Variants in RALGAPA1 observed in about 807,000 individuals in gnomAD.
RALGAPA1 encodes Ral GTPase activating protein catalytic subunit alpha 1, also known as ral GTPase-activating protein subunit alpha-1.
Under a neutral mutation model 269.6 loss-of-function variants are expected in RALGAPA1, and 52 were observed. That is an observed-to-expected ratio of 0.19 (90% confidence interval 0.15 to 0.24). The LOEUF (loss-of-function observed/expected upper bound fraction) is 0.24, where lower values mean the gene tolerates loss of function less well. Ranked by LOEUF, RALGAPA1 falls within the 10% of genes least tolerant of loss-of-function variation. The pLI, the probability that RALGAPA1 is intolerant of heterozygous loss-of-function variation, is 1.00. For missense variants in RALGAPA1, 1,917 were observed against 3,013.9 expected (o/e 0.64, Z 8.52); for synonymous variants, 817 against 1,008.3 (o/e 0.81, Z 3.60).
chr14:35,675,337 G>A (rs1348483248), intron 22 of RALGAPA1, among the ~76,000 whole-genome samples: 2 of 151,986 alleles, frequency 1.3e-5, no homozygotes, highest in South Asian at 2.1e-4. Flanking sequence ...CACCACATCC[G>A]GCTAATTTTT....
intron 6 of RALGAPA1, among the ~76,000 whole-genome samples, chr14:35,760,124 A>T (rs1335017671): frequency 6.6e-6 from 1 of 152,216 alleles, no homozygotes; most frequent in Non-Finnish European, 1.5e-5. Flanking sequence ...TTCAATGTAC[A>T]TCCAAATTAA....
chr14:35,657,237 G>A (rs1223640430), intron 28 of RALGAPA1, among the ~76,000 whole-genome samples: 2 of 148,986 alleles, frequency 1.3e-5, no homozygotes, highest in Non-Finnish European at 3.0e-5. Flanking sequence ...TGCCCAGGCT[G>A]GAGTGCAGTG....
At chr14:35,738,065 G>C (rs2071193931) in intron 12 of RALGAPA1, among the ~76,000 whole-genome samples, 1 of 149,704 alleles carries the variant, frequency 6.7e-6, no homozygotes, top group South Asian at 2.1e-4. Flanking sequence ...TCCAGCCTGG[G>C]CAACAAGAGC....
At chr14:35,747,353 T>C (rs1362511357) in intron 10 of RALGAPA1, among the ~76,000 whole-genome samples, 1 of 152,226 alleles carries the variant, frequency 6.6e-6, no homozygotes, top group African/African-American at 2.4e-5. Flanking sequence ...AAAGCCTGAA[T>C]AGTTCTACAA....
At chr14:35,561,757 A>C (rs902759162) in intron 39 of RALGAPA1, among the ~76,000 whole-genome samples, 4 of 151,962 alleles carry the variant, frequency 2.6e-5, no homozygotes, top group Admixed American at 2.0e-4. Flanking sequence ...TGATCTGCCC[A>C]CCTTGACCTC....
chr14:35,759,476 C>G (rs976504248), intron 6 of RALGAPA1, among the ~76,000 whole-genome samples: 2 of 151,950 alleles, frequency 1.3e-5, no homozygotes, highest in Non-Finnish European at 2.9e-5. Flanking sequence ...GTTATTGCAG[C>G]CTTGGCTGAC....
At chr14:35,651,900 A>G (rs1322438283) in intron 30 of RALGAPA1, 27 bp from the exon 31 acceptor site, 1 of 1,576,642 alleles carries the variant, frequency 6.3e-7, no homozygotes, top group Non-Finnish European at 8.6e-7. Flanking sequence ...ATTTTTTTAA[A>G]AGCTCTATAT....
chr14:35,764,145 T>C (rs922371576), intron 4 of RALGAPA1, among the ~76,000 whole-genome samples: 1 of 151,534 alleles, frequency 6.6e-6, no homozygotes, highest in Non-Finnish European at 1.5e-5. Context: ...GGCTGGAAAA[T>C]AGTGGTGCAA....
chr14:35,597,590 ACT>A lies in RALGAPA1; in HGVS notation c.7054-1803_7054-1802del, dbSNP rs201996019. Among the ~76,000 whole-genome samples, 1,406 of 152,172 alleles carry A rather than the reference ACT, an allele frequency of 9.2e-3. 28 individuals carry two copies. Among genetic ancestry groups the A allele is most frequent in the African/African-American group, 0.032 (1,342 of 41,520 alleles). On this transcript the variant is annotated intron_variant, in intron 36 of 41. Transcript: ENST00000680220. Reference sequence around the variant, plus strand: ...TTTACCCAGAGCCCCCCAGTGCAAAACTCTATCACCACCAGGATACTGACGAC... The same window carrying A: ...TTTACCCAGAGCCCCCCAGTGCAAAACTATCACCACCAGGATACTGACGAC...
Position 35,588,766 on chromosome 14 carries a change from G to A in RALGAPA1, c.7209+6868C>T, listed in dbSNP as rs913751733. Among the ~76,000 whole-genome samples, 10 of 152,250 alleles carry A rather than the reference G, an allele frequency of 6.6e-5. 1 individual carries two copies. The South Asian group carries it at 1.9e-3, about 28-fold the overall frequency. ...TCCCCCTACTGGGTATATATCCAGA[G>A]AAAATGAAATCAGTATGTCAAAGAG... On this transcript the variant is annotated intron_variant, in intron 37 of 41. Coordinates refer to ENST00000680220, the MANE Select transcript of RALGAPA1 (RefSeq NM_001346249.2).
At chr14:35,617,496 T>C (rs935732615) in intron 35 of RALGAPA1, among the ~76,000 whole-genome samples, 3 of 152,006 alleles carry the variant, frequency 2.0e-5, no homozygotes, top group Non-Finnish European at 4.4e-5. Flanking sequence ...CGCATGCCTG[T>C]AATCCCAGCT....
intron 4 of RALGAPA1, among the ~76,000 whole-genome samples, chr14:35,763,169 T>G (rs1595469377): frequency 6.6e-6 from 1 of 151,702 alleles, no homozygotes; most frequent in Admixed American, 6.6e-5. Context: ...ACTAATTTTC[T>G]AAGTTTTGAA....
intron 13 of RALGAPA1, among the ~76,000 whole-genome samples, chr14:35,727,577 C>G (rs1369872017): frequency 2.0e-5 from 3 of 151,456 alleles, no homozygotes; most frequent in Non-Finnish European, 4.4e-5. Context: ...TTATAGAGCA[C>G]CAATGATATA....
chr14:35,665,380 GC>G (rs1338507483), intron 26 of RALGAPA1, among the ~76,000 whole-genome samples: 1 of 151,958 alleles, frequency 6.6e-6, no homozygotes, highest in African/African-American at 2.4e-5. Flanking sequence ...TTTCTCTTCT[GC>G]CTTCTTACAT....
chr14:35,724,686 A>G (rs1488464197), intron 14 of RALGAPA1, among the ~76,000 whole-genome samples: 4 of 152,206 alleles, frequency 2.6e-5, no homozygotes, highest in Admixed American at 2.6e-4. Context: ...CAGTCAGGTC[A>G]TTATCCCTAA....
chr14:35,726,595 C>T (rs776970074), intron 13 of RALGAPA1, among the ~76,000 whole-genome samples: 1 of 152,040 alleles, frequency 6.6e-6, no homozygotes, highest in African/African-American at 2.4e-5. Flanking sequence ...CAAGAACAGC[C>T]TGGGCAACAA....
At chr14:35,589,139 T>C (rs184743162) in intron 37 of RALGAPA1, among the ~76,000 whole-genome samples, 1 of 152,284 alleles carries the variant, frequency 6.6e-6, no homozygotes, top group East Asian at 1.9e-4. Flanking sequence ...AAACAACATA[T>C]AGCAGGCCTT....
At chr14:35,575,502 C>T (rs2057494722) in intron 37 of RALGAPA1, among the ~76,000 whole-genome samples, 1 of 152,214 alleles carries the variant, frequency 6.6e-6, no homozygotes, top group Admixed American at 6.5e-5. Context: ...GATACAGGAG[C>T]TTGTGCCACC....
intron 21 of RALGAPA1, 86 bp downstream of exon 21, chr14:35,683,723 T>C (rs2065668201): frequency 9.2e-6 from 9 of 978,014 alleles, no homozygotes; most frequent in Non-Finnish European, 1.3e-5. Context: ...TAATAAGTAA[T>C]ACTTAAAATC....
Sources: gnomAD v4.1 joint callset for allele counts (sites outside exome capture counted in the v4.1 genomes callset) on GRCh38, gnomAD v4.1.1 for gene constraint, MANE v1.5 for transcripts, NCBI Gene and HGNC (gene_info 2026-07-23, HGNC 2026-07-21) for gene names.